The following CASP8 variants were observed in gnomAD, a reference collection of about 807,000 sequenced individuals.
The protein encoded by CASP8 is caspase 8.
CASP8 carries 24 observed loss-of-function variants against 46.3 expected under a neutral mutation model. That is an observed-to-expected ratio of 0.52 (90% confidence interval 0.38 to 0.73). The LOEUF is 0.73. Among genes scored for constraint, CASP8 ranks in the 30% least tolerant of loss-of-function variants. The probability of loss-of-function intolerance (pLI) is 0.00; values close to 1 mark genes in which losing one functional copy is unlikely to be tolerated. For missense variants in CASP8, 460 were observed against 559.0 expected (o/e 0.82, Z 1.79); for synonymous variants, 188 against 200.4 (o/e 0.94, Z 0.52).
chr2:201,261,771 G>A (rs1947436313), intron 1 of CASP8, among the ~76,000 whole-genome samples: 1 of 152,226 alleles, frequency 6.6e-6, no homozygotes, highest in Non-Finnish European at 1.5e-5. Context: ...TCAAGCTTCG[G>A]ATGAGATGCA....
chr2:201,268,076 G>T (rs1241229715), intron 2 of CASP8, among the ~76,000 whole-genome samples: 1 of 152,092 alleles, frequency 6.6e-6, no homozygotes, highest in East Asian at 1.9e-4. Flanking sequence ...ACAGGTGTGT[G>T]CCACCATGCC....
chr2:201,277,786 C>T (rs1330219664), intron 7 of CASP8: 1 of 391,702 alleles, frequency 2.6e-6, no homozygotes, highest in Non-Finnish European at 4.9e-6. Context: ...CTGCAGCCTC[C>T]ACCTCCCTGG....
chr2:201,247,446 G>T (rs937175727), intron 2 of CASP8, among the ~76,000 whole-genome samples: 1 of 151,580 alleles, frequency 6.6e-6, no homozygotes, highest in East Asian at 1.9e-4. Flanking sequence ...TTCCCCAGGG[G>T]CTGCAGGATT....
At chr2:201,270,344 G>C (rs1230449690) in intron 2 of CASP8, among the ~76,000 whole-genome samples, 5 of 152,104 alleles carry the variant, frequency 3.3e-5, no homozygotes, top group African/African-American at 1.2e-4. Context: ...CCTATGATGT[G>C]GTTACGGATA....
rs1318518469 is a variant in CASP8 at position 201,282,789 on chromosome 2, C to A, written c.803-2027C>A. On this transcript the variant is annotated intron_variant, in intron 7 of 8. Coordinates refer to ENST00000673742, the MANE Select transcript of CASP8 (RefSeq NM_001372051.1). ...GGCCCGGCAGAGGCGCCCCTCACCT[C>A]CCGGACGGGGCAGCCGGCCGGAAGG... 7.9e-5 allele frequency among the ~76,000 whole-genome samples: 7 copies of A among 88,752 alleles called. 1 individual carries two copies. The highest frequency in any genetic ancestry group is 1.9e-4 in the Non-Finnish European group (7 of 36,662). 58.2% of individuals were successfully genotyped at this position (88,752 alleles called of 152,430 possible).
upstream of CASP8, among the ~76,000 whole-genome samples, chr2:201,259,333 T>C (rs940925167): frequency 3.3e-5 from 5 of 152,128 alleles, no homozygotes; most frequent in African/African-American, 1.2e-4. Flanking sequence ...CTACCACACC[T>C]GGCTAATTAA....
intron 7 of CASP8, among the ~76,000 whole-genome samples, chr2:201,282,477 C>G (rs1250503244): frequency 1.2e-4 from 12 of 102,458 alleles, no homozygotes; most frequent in Admixed American, 1.0e-3. Flanking sequence ...GGGTCGTGGC[C>G]GGGCAGAGGG....
intron 2 of CASP8, among the ~76,000 whole-genome samples, chr2:201,268,958 A>T (rs140903989): frequency 0.044 from 3,764 of 86,286 alleles, 80 homozygotes; most frequent in Middle Eastern, 0.077. Context: ...TGTGTGTGTG[A>T]GACAGTGTCT....
chr2:201,283,502 T>G (rs1949287803), intron 7 of CASP8, among the ~76,000 whole-genome samples: 1 of 73,376 alleles, frequency 1.4e-5, no homozygotes, highest in Non-Finnish European at 3.1e-5. Flanking sequence ...GCTCCTCACT[T>G]CCCAGTAGGG....
chr2:201,247,085 G>A (rs1417945560), intron 2 of CASP8, among the ~76,000 whole-genome samples: 3 of 150,366 alleles, frequency 2.0e-5, no homozygotes, highest in Non-Finnish European at 4.4e-5. Context: ...TTCTGCTAGG[G>A]AGCTGAGGCA....
chr2:201,247,280 G>A (rs1946572800), intron 2 of CASP8, among the ~76,000 whole-genome samples: 1 of 151,300 alleles, frequency 6.6e-6, no homozygotes, highest in Admixed American at 6.6e-5. Flanking sequence ...ATGTGTGTCT[G>A]GTGGCCACTG....
At chr2:201,273,383 G>A (rs1165580363) in intron 5 of CASP8, among the ~76,000 whole-genome samples, 1 of 152,096 alleles carries the variant, frequency 6.6e-6, no homozygotes, top group African/African-American at 2.4e-5. Flanking sequence ...AAGACCTGTA[G>A]CCCAAGCTGG....
At chr2:201,277,156 A>AT (rs941088724) in intron 7 of CASP8, 188 bp downstream of exon 7, 2 of 490,830 alleles carry the variant, frequency 4.1e-6, no homozygotes, top group African/African-American at 1.9e-5. Flanking sequence ...TTAAAAATTA[A>AT]TTTTTTAAAT....
intron 2 of CASP8, among the ~76,000 whole-genome samples, chr2:201,245,822 G>T (rs938897251): frequency 6.6e-6 from 1 of 151,760 alleles, no homozygotes; most frequent in Non-Finnish European, 1.5e-5. Flanking sequence ...CCTTTGGCCA[G>T]AGAGAGCAGG....
At chr2:201,235,017 A>G (rs1468268866) in intron 2 of CASP8, among the ~76,000 whole-genome samples, 2 of 152,208 alleles carry the variant, frequency 1.3e-5, no homozygotes, top group Admixed American at 1.3e-4. Context: ...AACAGAATTG[A>G]TTTTATGTTA....
At chr2:201,257,931 G>T, upstream of CASP8, 1 of 409,824 alleles carries the variant, frequency 2.4e-6, no homozygotes, top group South Asian at 2.2e-5. Context: ...TCCAGCGCTC[G>T]GGCTTTAGTT....
chr2:201,264,650 TATC>T (rs1217054838), intron 1 of CASP8, among the ~76,000 whole-genome samples: 1 of 152,158 alleles, frequency 6.6e-6, no homozygotes, highest in Non-Finnish European at 1.5e-5. Flanking sequence ...CCCAGACAAT[TATC>T]ATGCCAGCAG....
rs1472539552 is a variant in CASP8 at position 201,266,020 on chromosome 2, C to CCCAG, written c.-26-440_-26-437dup. ...TGTGAGACGGAGTCTTGCCCTGTCACCCAGGCTGGAGTGCAGTGGTGCAAT... is the reference window on the plus strand; with the variant it reads ...TGTGAGACGGAGTCTTGCCCTGTCACCCAGCCAGGCTGGAGTGCAGTGGTGCAAT... On this transcript the variant is annotated intron_variant, in intron 1 of 8. Coordinates refer to ENST00000673742, the MANE Select transcript of CASP8 (RefSeq NM_001372051.1). The surrounding 1 kb of genome is among the most constrained non-coding windows in gnomAD (Gnocchi z 5.7). Among the ~76,000 whole-genome samples the CCCAG allele has an allele frequency of 6.6e-6, 1 of 151,136 alleles. No individual in the cohort carries two copies. The highest frequency in any genetic ancestry group is 2.4e-5 in the African/African-American group (1 of 40,948).
intron 6 of CASP8, among the ~76,000 whole-genome samples, chr2:201,275,338 A>G (rs866123839): frequency 4.6e-5 from 7 of 152,184 alleles, no homozygotes; most frequent in South Asian, 4.1e-4. Context: ...TAATGTTTCA[A>G]AAATGCTTCT....
Sources: gnomAD v4.1 joint callset for allele counts (sites outside exome capture counted in the v4.1 genomes callset) on GRCh38, gnomAD v4.1.1 for gene constraint, Gnocchi (gnomAD v3.1) non-coding constraint, MANE v1.5 for transcripts, NCBI Gene and HGNC (gene_info 2026-07-23, HGNC 2026-07-21) for gene names.